Variants in KSR2 observed in about 807,000 individuals in gnomAD.
KSR2 encodes kinase suppressor of ras 2.
In KSR2, 25 loss-of-function variants were observed where a neutral mutation model predicts 107.8. The observed-to-expected ratio is 0.23, with a 90% confidence interval of 0.17 to 0.32. The LOEUF (loss-of-function observed/expected upper bound fraction) is 0.32, where lower values mean the gene tolerates loss of function less well. Ranked by LOEUF, KSR2 falls within the 10% of genes least tolerant of loss-of-function variation. The pLI is 1.00. For missense variants in KSR2, 887 were observed against 1,268.9 expected, an observed-to-expected ratio of 0.70 and a Z score of 4.57; for synonymous variants, 480 against 507.0, an observed-to-expected ratio of 0.95 and a Z score of 0.71.
intron 5 of KSR2, among the ~76,000 whole-genome samples, chr12:117,633,078 A>G (rs1420839648): frequency 6.6e-6 from 1 of 152,222 alleles, no homozygotes; most frequent in East Asian, 1.9e-4. Context: ...ATTGTTAAAA[A>G]GCTGGAGCAT....
rs137926263 is a variant in KSR2 at position 117,734,256 on chromosome 12, G to A, written c.986+26755C>T. Among the ~76,000 whole-genome samples, 747 of 144,424 alleles carry A rather than the reference G, an allele frequency of 5.2e-3. 10 individuals are homozygous for A. Among genetic ancestry groups the A allele is most frequent in the African/African-American group, 0.018 (699 of 38,096 alleles). 94.7% of individuals were successfully genotyped at this position (144,424 alleles called of 152,430 possible). A position where few individuals can be genotyped will look rare whatever the true frequency, so the allele number is the denominator to read the frequency against. ...GCATTGCACCACTGCACTCCAGCCT[G>A]GGCAATAGAGCGAGACTCTGTCTCA... On this transcript the variant is annotated intron_variant, in intron 4 of 19. Coordinates refer to ENST00000339824, the MANE Select transcript of KSR2 (RefSeq NM_173598.6).
At chr12:117,819,840 G>A (rs1228743875) in intron 3 of KSR2, among the ~76,000 whole-genome samples, 1 of 151,852 alleles carries the variant, frequency 6.6e-6, no homozygotes, top group East Asian at 1.9e-4. Context: ...TTAATGACAT[G>A]GCCCTCCAAA....
chr12:117,825,184 C>T (rs966154253), intron 3 of KSR2, among the ~76,000 whole-genome samples: 9 of 152,052 alleles, frequency 5.9e-5, no homozygotes, highest in East Asian at 1.9e-4. Flanking sequence ...CATCTCAAAA[C>T]GAAACAAAAC....
chr12:117,727,015 T>C (rs990850808), intron 4 of KSR2, among the ~76,000 whole-genome samples: 1 of 152,120 alleles, frequency 6.6e-6, no homozygotes, highest in African/African-American at 2.4e-5. Context: ...GTAGGGGTTT[T>C]GCAGATATAA....
intron 3 of KSR2, among the ~76,000 whole-genome samples, chr12:117,813,227 G>C (rs1390056587): frequency 4.0e-5 from 6 of 151,890 alleles, no homozygotes; most frequent in Admixed American, 3.9e-4. Flanking sequence ...GTCTGGGAAG[G>C]GATTTTATGA....
At chr12:117,470,080 C>A (rs1248986932) in intron 18 of KSR2, among the ~76,000 whole-genome samples, 1 of 152,038 alleles carries the variant, frequency 6.6e-6, no homozygotes, top group Non-Finnish European at 1.5e-5. Flanking sequence ...TTCATCCATC[C>A]ATCCACCCAT....
At chr12:117,914,910 C>T (rs974192944) in intron 1 of KSR2, among the ~76,000 whole-genome samples, 1 of 152,118 alleles carries the variant, frequency 6.6e-6, no homozygotes, top group Non-Finnish European at 1.5e-5. Context: ...GGATCTGAAA[C>T]TATGAAAGAC....
chr12:117,854,150 G>A (rs781528672), intron 3 of KSR2, among the ~76,000 whole-genome samples: 15 of 152,046 alleles, frequency 9.9e-5, no homozygotes, highest in South Asian at 2.1e-4. Context: ...GACTACAGGC[G>A]TGTGCCACCA....
intron 3 of KSR2, among the ~76,000 whole-genome samples, chr12:117,809,047 T>C (rs1313338075): frequency 6.6e-6 from 1 of 152,154 alleles, no homozygotes; most frequent in African/African-American, 2.4e-5. Flanking sequence ...TGAATGACCA[T>C]GTGGAGCAGA....
At chr12:117,624,229 A>T (rs1450516262) in intron 5 of KSR2, among the ~76,000 whole-genome samples, 3 of 152,188 alleles carry the variant, frequency 2.0e-5, no homozygotes, top group Non-Finnish European at 4.4e-5. Flanking sequence ...CTTTAGCTTA[A>T]TTAGATCCCA....
intron 3 of KSR2, among the ~76,000 whole-genome samples, chr12:117,777,993 A>C (rs1889754267): frequency 6.6e-6 from 1 of 152,214 alleles, no homozygotes; most frequent in African/African-American, 2.4e-5. Context: ...TGATTGTGGT[A>C]CTGTACTTCA....
At chr12:117,515,260 T>C (rs1874296112) in intron 14 of KSR2, among the ~76,000 whole-genome samples, 1 of 152,222 alleles carries the variant, frequency 6.6e-6, no homozygotes, top group Admixed American at 6.5e-5. Context: ...TTTCTTTTCA[T>C]CACTGTTACT....
chr12:117,784,690 G>A (rs1237189375), intron 3 of KSR2, among the ~76,000 whole-genome samples: 1 of 152,068 alleles, frequency 6.6e-6, no homozygotes, highest in East Asian at 1.9e-4. Context: ...CAGTCATTCA[G>A]ATCTGTGCAA....
intron 4 of KSR2, among the ~76,000 whole-genome samples, chr12:117,750,005 T>C (rs1437937075): frequency 1.3e-5 from 2 of 152,120 alleles, no homozygotes; most frequent in Admixed American, 6.6e-5. Flanking sequence ...CCTAGCACTC[T>C]GGGAGGCTGA....
At chr12:117,716,662 TAGA>T (rs1886992878) in intron 4 of KSR2, among the ~76,000 whole-genome samples, 1 of 152,230 alleles carries the variant, frequency 6.6e-6, no homozygotes, top group Non-Finnish European at 1.5e-5. Flanking sequence ...AGTGCTGGTC[TAGA>T]ACTGCCTATA....
intron 1 of KSR2, among the ~76,000 whole-genome samples, chr12:117,898,474 C>T (rs551640824): frequency 1.8e-4 from 27 of 152,136 alleles, no homozygotes; most frequent in African/African-American, 6.5e-4. Flanking sequence ...CACCTGCCAC[C>T]ATGCCCAGCT....
chr12:117,772,895 G>T (rs1479895311), intron 3 of KSR2, among the ~76,000 whole-genome samples: 3 of 152,234 alleles, frequency 2.0e-5, no homozygotes, highest in Non-Finnish European at 4.4e-5. Context: ...GAGAGAAGCA[G>T]AGAGGAAGAA....
At chr12:117,770,054 C>CAA (rs57470150) in intron 3 of KSR2, among the ~76,000 whole-genome samples, 12,855 of 137,680 alleles carry the variant, frequency 0.093, 1,127 homozygotes, top group African/African-American at 0.24. Flanking sequence ...AACTCCATCT[C>CAA]AAAAAAAAAA....
Position 117,856,634 on chromosome 12 carries a change from G to A in KSR2, c.322-1056C>T, listed in dbSNP as rs146830588. On this transcript the variant is annotated intron_variant, in intron 2 of 19. Coordinates refer to ENST00000339824, the MANE Select transcript of KSR2 (RefSeq NM_173598.6). ...TAGGATTACAGCCACTCACCACCAC[G>A]CCTGGCTAATTTTTGTATTTTTAGT... is the stretch of plus-strand genomic sequence containing the variant. Among the ~76,000 whole-genome samples the A allele has an allele frequency of 1.5e-3, 233 of 152,060 alleles. 1 individual carries two copies. The highest frequency in any genetic ancestry group is 5.4e-3 in the African/African-American group (222 of 41,490).
Sources: allele counts gnomAD v4.1 joint callset (sites outside exome capture counted in the v4.1 genomes callset), GRCh38; gene constraint gnomAD v4.1.1; transcripts MANE v1.5; gene names NCBI Gene and HGNC (gene_info 2026-07-23, HGNC 2026-07-21).